FGF14: variants seen among roughly 807,000 people sequenced by gnomAD.
The protein encoded by FGF14 is fibroblast growth factor 14, also known as fibroblast growth factor homologous factor 4.
A neutral mutation model predicts 25.5 loss-of-function variants in FGF14; 5 were observed. That is an observed-to-expected ratio of 0.20 (90% CI 0.10 to 0.41). The LOEUF is 0.41. FGF14 is among the 10% of genes least tolerant of loss of function. FGF14 has a pLI of 1.00. For missense variants in FGF14, 222 were observed against 320.1 expected (o/e 0.69, Z 2.34); for synonymous variants, 138 against 118.3 (o/e 1.17, Z -1.08).
intron 1 of FGF14, among the ~76,000 whole-genome samples, chr13:102,034,228 G>A (rs2041358790): frequency 6.6e-6 from 1 of 152,094 alleles, no homozygotes; most frequent in South Asian, 2.1e-4. Flanking sequence ...ATGAGAGAGA[G>A]CTGACTCAAT....
intron 1 of FGF14, among the ~76,000 whole-genome samples, chr13:102,004,085 G>A (rs1181321817): frequency 1.3e-5 from 2 of 152,162 alleles, no homozygotes; most frequent in Non-Finnish European, 2.9e-5. Context: ...CAGGGAGCTT[G>A]TATCCCATGC....
chr13:101,842,039 T>A (rs1423133317), intron 3 of FGF14, among the ~76,000 whole-genome samples: 3 of 152,012 alleles, frequency 2.0e-5, no homozygotes, highest in African/African-American at 7.2e-5. Flanking sequence ...TTTGGCAACG[T>A]TATGATCTAT....
intron 3 of FGF14, among the ~76,000 whole-genome samples, chr13:101,785,352 TA>T (rs67849618): frequency 0.4 from 55,613 of 139,998 alleles, 10,991 homozygotes; most frequent in East Asian, 0.74. Context: ...TCCCAAAGAT[TA>T]AAAAAAAAAA....
intron 1 of FGF14, among the ~76,000 whole-genome samples, chr13:102,374,642 TTTTATATA>T (rs1426015548): frequency 4.2e-4 from 40 of 95,656 alleles, no homozygotes; most frequent in Admixed American, 1.8e-3. Context: ...ATCTTACATA[TTTTATATA>T]TATATATATA....
At chr13:102,032,527 T>C (rs545434065) in intron 1 of FGF14, among the ~76,000 whole-genome samples, 7 of 152,302 alleles carry the variant, frequency 4.6e-5, no homozygotes, top group African/African-American at 1.4e-4. Flanking sequence ...TATCTTCCTA[T>C]GGCATTTGGA....
intron 1 of FGF14, among the ~76,000 whole-genome samples, chr13:102,331,752 G>C (rs983092690): frequency 9.9e-5 from 15 of 152,092 alleles, no homozygotes; most frequent in Non-Finnish European, 2.1e-4. Flanking sequence ...ATAATTGGTG[G>C]ACAAGAGAAT....
chr13:101,942,956 A>G (rs1468069208), intron 1 of FGF14, among the ~76,000 whole-genome samples: 3 of 152,170 alleles, frequency 2.0e-5, no homozygotes, highest in Non-Finnish European at 4.4e-5. Flanking sequence ...GCTAATGAAA[A>G]CCAGGCAGTG....
At chr13:102,399,214 G>A (rs1000317920) in intron 1 of FGF14, among the ~76,000 whole-genome samples, 1 of 151,904 alleles carries the variant, frequency 6.6e-6, no homozygotes, top group Non-Finnish European at 1.5e-5. Flanking sequence ...TAGTGTTTCC[G>A]GTAAAATTGT....
At chr13:101,888,254 A>G (rs1223495113) in intron 1 of FGF14, among the ~76,000 whole-genome samples, 1 of 152,152 alleles carries the variant, frequency 6.6e-6, no homozygotes. Context: ...CATTTTAGAG[A>G]ACACTGGGAA....
chr13:102,334,193 C>T (rs558511389), intron 1 of FGF14, among the ~76,000 whole-genome samples: 2 of 152,272 alleles, frequency 1.3e-5, no homozygotes, highest in South Asian at 4.2e-4. Flanking sequence ...TCAATCAAGT[C>T]ATGGATTGGG....
At chr13:102,387,282 TG>T in intron 1 of FGF14, among the ~76,000 whole-genome samples, 1 of 152,312 alleles carries the variant, frequency 6.6e-6, no homozygotes, top group Non-Finnish European at 1.5e-5. Context: ...ACTGACCCCT[TG>T]AAACACAATT....
At chr13:102,183,437 C>T (rs143439455) in intron 1 of FGF14, among the ~76,000 whole-genome samples, 1 of 152,238 alleles carries the variant, frequency 6.6e-6, no homozygotes, top group Admixed American at 6.5e-5. Context: ...ATAAGTACTG[C>T]CAGATCGTCC....
chr13:102,004,529 C>A (rs995968455), intron 1 of FGF14, among the ~76,000 whole-genome samples: 12 of 152,182 alleles, frequency 7.9e-5, no homozygotes, highest in African/African-American at 2.4e-4. Context: ...TGCTCTCTCT[C>A]TATAACAACA....
At chr13:102,117,814 G>C (rs147798961) in intron 1 of FGF14, among the ~76,000 whole-genome samples, 2 of 152,152 alleles carry the variant, frequency 1.3e-5, no homozygotes, top group Admixed American at 1.3e-4. Flanking sequence ...GTAAGTTTAC[G>C]TATGTGTATT....
intron 1 of FGF14, among the ~76,000 whole-genome samples, chr13:102,318,785 A>G (rs1296496509): frequency 2.6e-5 from 4 of 152,098 alleles, no homozygotes; most frequent in Admixed American, 2.0e-4. Flanking sequence ...TCAGCACATA[A>G]ATTTGAGGGG....
At chr13:102,211,942 C>A (rs939010716) in intron 1 of FGF14, among the ~76,000 whole-genome samples, 1 of 152,170 alleles carries the variant, frequency 6.6e-6, no homozygotes, top group Admixed American at 6.5e-5. Flanking sequence ...TCGTATCAAT[C>A]CTAAATGTCC....
chr13:102,008,779 C>T (rs2139786625), intron 1 of FGF14, among the ~76,000 whole-genome samples: 1 of 152,186 alleles, frequency 6.6e-6, no homozygotes, highest in South Asian at 2.1e-4. Flanking sequence ...ATAAATCAAA[C>T]ACATTTTCAG....
chr13:101,817,317 T>C, intron 3 of FGF14, among the ~76,000 whole-genome samples: 1 of 152,168 alleles, frequency 6.6e-6, no homozygotes, highest in East Asian at 1.9e-4. Flanking sequence ...TGTCTTACAA[T>C]TAATTAACAA....
chr13:101,959,038 A>C (rs1317036741), intron 1 of FGF14, among the ~76,000 whole-genome samples: 4 of 152,180 alleles, frequency 2.6e-5, no homozygotes, highest in African/African-American at 9.7e-5. Flanking sequence ...TTACCCAAGC[A>C]AACCTTCAAT....
Sources: gnomAD v4.1 joint callset for allele counts (sites outside exome capture counted in the v4.1 genomes callset) on GRCh38, gnomAD v4.1.1 for gene constraint, MANE v1.5 for transcripts, NCBI Gene and HGNC (gene_info 2026-07-23, HGNC 2026-07-21) for gene names.